The following ALMS1 variants were observed in gnomAD, a reference collection of about 807,000 sequenced individuals.
ALMS1 encodes centrosome-associated protein ALMS1.
Under a neutral mutation model 352.2 loss-of-function variants are expected in ALMS1, and 271 were observed. The observed-to-expected ratio is 0.77, with a 90% CI of 0.70 to 0.85. ALMS1 has a LOEUF of 0.85. ALMS1 is among the 40% of genes least tolerant of loss of function. ALMS1 has a pLI of 0.00. For synonymous variants in ALMS1, 1,865 were observed against 1,761.2 expected (o/e 1.06, Z -1.48); for missense variants, 5,445 against 4,870.7 (o/e 1.12, Z -3.51).
chr2:73,597,781 CT>C (rs36025075), intron 16 of ALMS1, among the ~76,000 whole-genome samples: 423 of 141,854 alleles, frequency 3.0e-3, no homozygotes, highest in Non-Finnish European at 3.3e-3. Flanking sequence ...TGACACAGAG[CT>C]TTTTTTTTTT....
rs373831151 is a variant in ALMS1 at position 73,448,411 on chromosome 2, T to C, written c.1884T>C (p.Pro628=). The C allele has an allele frequency of 6.8e-5, 109 of 1,613,880 alleles. No homozygotes were observed. The highest frequency in any genetic ancestry group is 8.1e-5 in the Non-Finnish European group (95 of 1,179,944). Residue 628 remains proline, a synonymous_variant, in exon 8 of 23, where the codon CCT becomes CCC. Coordinates refer to ENST00000613296, the MANE Select transcript of ALMS1 (RefSeq NM_001378454.1). ...CTTCCTACTCACATAGAGAGAAGCCTGGTACTTTTTACCAACAAGAGTTAC... is the reference window on the plus strand; with the variant it reads ...CTTCCTACTCACATAGAGAGAAGCCCGGTACTTTTTACCAACAAGAGTTAC... ...TSTSYSHREK[P]GTFYQQELPE...
In ALMS1 at chr2:73,450,515, C is replaced by G; in HGVS notation, c.3988C>G (p.Pro1330Ala). The G allele has an allele frequency of 6.2e-7, 1 of 1,610,718 alleles. No individual in the cohort carries two copies. Among genetic ancestry groups the G allele is most frequent in the African/African-American group, 1.4e-5 (1 of 73,664 alleles). The change falls in exon 8 of 23, where the codon CCC (proline) becomes GCC (alanine). Residue 1330 changes from proline to alanine, a missense_variant. Physicochemically the swap from Pro to Ala is conservative, Grantham distance 27 (BLOSUM62 -1). Coordinates refer to ENST00000613296, the MANE Select transcript of ALMS1 (RefSeq NM_001378454.1). ...ADQKTVIPILPSTFYSHTEKP... is the reference protein window; with the variant it reads ...ADQKTVIPILASTFYSHTEKP... ...CCAGAAGACTGTGATACCAATTTTACCCTCTACTTTCTACTCACACACAGA... is the reference window on the plus strand; with the variant it reads ...CCAGAAGACTGTGATACCAATTTTAGCCTCTACTTTCTACTCACACACAGA...
At chr2:73,465,953 T>G (rs1391854592) in intron 9 of ALMS1, among the ~76,000 whole-genome samples, 3 of 152,146 alleles carry the variant, frequency 2.0e-5, no homozygotes, top group Non-Finnish European at 4.4e-5. Flanking sequence ...TCACACCAGT[T>G]AGAATGGCGA....
intron 16 of ALMS1, among the ~76,000 whole-genome samples, chr2:73,596,291 G>A (rs554351664): frequency 8.5e-5 from 13 of 152,070 alleles, no homozygotes; most frequent in East Asian, 1.9e-4. Flanking sequence ...TTTTGTGTAC[G>A]GTGTGTTGTC....
intron 11 of ALMS1, among the ~76,000 whole-genome samples, chr2:73,531,155 A>G (rs1673901940): frequency 6.6e-6 from 1 of 152,218 alleles, no homozygotes; most frequent in African/African-American, 2.4e-5. Flanking sequence ...TCTACTGCAT[A>G]GTCAGGCTGC....
At chr2:73,426,819 A>G (rs1671389053) in intron 6 of ALMS1, among the ~76,000 whole-genome samples, 1 of 152,130 alleles carries the variant, frequency 6.6e-6, no homozygotes, top group African/African-American at 2.4e-5. Context: ...AAGTTTTTCT[A>G]TTTGACATTT....
intron 21 of ALMS1, among the ~76,000 whole-genome samples, chr2:73,604,805 G>A (rs567836227): frequency 1.4e-4 from 21 of 152,264 alleles, no homozygotes; most frequent in African/African-American, 5.1e-4. Flanking sequence ...TTGGCTATTT[G>A]CACTGATGAT....
chr2:73,472,513 G>C (rs1435902482), intron 9 of ALMS1, among the ~76,000 whole-genome samples: 1 of 152,000 alleles, frequency 6.6e-6, no homozygotes, highest in African/African-American at 2.4e-5. Flanking sequence ...TAATATGGTG[G>C]AGTAGGGAAC....
intron 15 of ALMS1, among the ~76,000 whole-genome samples, chr2:73,562,850 G>A (rs879418975): frequency 2.0e-5 from 3 of 151,932 alleles, no homozygotes; most frequent in Non-Finnish European, 2.9e-5. Flanking sequence ...TCATGCCATT[G>A]CACTCCAACC....
At chr2:73,590,480 A>C (rs1339073122) in intron 16 of ALMS1, among the ~76,000 whole-genome samples, 1 of 152,112 alleles carries the variant, frequency 6.6e-6, no homozygotes, top group Non-Finnish European at 1.5e-5. Flanking sequence ...GAACTTAACA[A>C]CTATAATTTT....
At position 73,523,722 on chromosome 2, in the gene ALMS1, G is replaced by A. The variant is rs149489416; in HGVS notation, c.9781+3706G>A. On this transcript the variant is annotated intron_variant, in intron 11 of 22. Coordinates refer to ENST00000613296, the MANE Select transcript of ALMS1 (RefSeq NM_001378454.1). ...GTGGAGGTTGCAGTAAGCAGAGATC[G>A]TGCCAGTGCACTCCAGCCTGGGCGA... Among the ~76,000 whole-genome samples, 1,057 of 152,030 alleles carry A rather than the reference G, an allele frequency of 7.0e-3. 6 individuals are homozygous for A. Among genetic ancestry groups the A allele is most frequent in the Non-Finnish European group, 0.012 (792 of 67,982 alleles).
At chr2:73,402,692 C>T (rs1344819889) in intron 1 of ALMS1, among the ~76,000 whole-genome samples, 1 of 152,142 alleles carries the variant, frequency 6.6e-6, no homozygotes, top group African/African-American at 2.4e-5. Context: ...TCTCTTGAAT[C>T]TTTTTGTTTT....
At chr2:73,455,517 CCTCA>C (rs1228900613) in intron 9 of ALMS1, among the ~76,000 whole-genome samples, 1 of 152,218 alleles carries the variant, frequency 6.6e-6, no homozygotes, top group Admixed American at 6.5e-5. Context: ...AATCCTCCCA[CCTCA>C]GCCTCTCAGG....
chr2:73,475,350 G>A (rs1238573587), intron 9 of ALMS1, among the ~76,000 whole-genome samples: 1 of 152,116 alleles, frequency 6.6e-6, no homozygotes, highest in Non-Finnish European at 1.5e-5. Flanking sequence ...CCCATGAGCA[G>A]TATATGAGGG....
At chr2:73,582,748 A>G (rs559017943) in intron 16 of ALMS1, among the ~76,000 whole-genome samples, 7 of 152,302 alleles carry the variant, frequency 4.6e-5, no homozygotes, top group African/African-American at 1.7e-4. Context: ...CTGTTTACAT[A>G]TACCACATTT....
chr2:73,412,927 A>G (rs1404967367), intron 2 of ALMS1, among the ~76,000 whole-genome samples: 1 of 152,048 alleles, frequency 6.6e-6, no homozygotes, highest in African/African-American at 2.4e-5. Flanking sequence ...TCCCAGTAGT[A>G]TATGAGAGTT....
chr2:73,460,833 G>A (rs1358458243), intron 9 of ALMS1, among the ~76,000 whole-genome samples: 2 of 152,236 alleles, frequency 1.3e-5, no homozygotes, highest in Admixed American at 6.5e-5. Context: ...ACAGAGTCTC[G>A]CTGATTGCTA....
chr2:73,505,641 G>A (rs1231651531), intron 10 of ALMS1, among the ~76,000 whole-genome samples: 1 of 151,816 alleles, frequency 6.6e-6, no homozygotes, highest in African/African-American at 2.4e-5. Flanking sequence ...CTTGATTTTT[G>A]TTCTTTTGCA....
At chr2:73,499,282 C>T (rs1241844334) in intron 10 of ALMS1, among the ~76,000 whole-genome samples, 1 of 152,094 alleles carries the variant, frequency 6.6e-6, no homozygotes, top group African/African-American at 2.4e-5. Flanking sequence ...TGCAGATATT[C>T]TCTTCCATTC....
Sources: gnomAD v4.1 joint callset for allele counts (sites outside exome capture counted in the v4.1 genomes callset) on GRCh38, gnomAD v4.1.1 for gene constraint, MANE v1.5 for transcripts, NCBI Gene and HGNC (gene_info 2026-07-23, HGNC 2026-07-21) for gene names.